NT5DC3: variants seen among roughly 807,000 people sequenced by gnomAD.
NT5DC3 encodes the protein 5'-nucleotidase domain-containing protein 3.
A neutral mutation model predicts 67.8 loss-of-function variants in NT5DC3; 42 were observed. The ratio of observed to expected loss-of-function variants is 0.62; its 90% CI spans 0.48 to 0.80. NT5DC3 has a LOEUF of 0.80. Ranked by LOEUF, NT5DC3 falls within the 30% of genes least tolerant of loss-of-function variation. NT5DC3 has a pLI of 0.00. For missense variants in NT5DC3, 570 were observed against 696.4 expected (o/e 0.82, Z 2.04); for synonymous variants, 237 against 255.6 (o/e 0.93, Z 0.69).
chr12:103,768,552 G>T (rs1566091920), downstream of NT5DC3, among the ~76,000 whole-genome samples: 5 of 1,476 alleles, frequency 3.4e-3, no homozygotes, highest in Non-Finnish European at 4.6e-3. Context: ...GGAGAGGGAG[G>T]GAGGCGGAGG....
Position 103,777,970 on chromosome 12 carries a change from C to T in NT5DC3, c.1506G>A (p.Ala502=), listed in dbSNP as rs781657942. The change falls in exon 14 of 14, where the codon GCG becomes GCA. Residue 502 remains alanine, a synonymous_variant. Transcript: ENST00000392876. ...CATAGTTCAGGAGGCAGCTCAGAGA[C>T]GCCATGTAGATGTCAGCGAAGCGCG... ...RLSRFADIYM[A]SLSCLLNYDV... is the part of the protein sequence containing the mutation. The T allele has an allele frequency of 7.4e-6, 12 of 1,614,062 alleles. No homozygotes were observed. Among genetic ancestry groups the T allele is most frequent in the African/African-American group, 2.7e-5 (2 of 74,910 alleles).
At chr12:103,838,769 C>T (rs1186271971) in intron 1 of NT5DC3, among the ~76,000 whole-genome samples, 4 of 151,956 alleles carry the variant, frequency 2.6e-5, no homozygotes, top group Admixed American at 6.6e-5. Context: ...CATGAAATAA[C>T]AGCAAAAAGG....
At chr12:103,787,320 G>A (rs1593388622) in intron 11 of NT5DC3, 121 bp downstream of exon 11, 1 of 447,260 alleles carries the variant, frequency 2.2e-6, no homozygotes, top group South Asian at 8.8e-5. Flanking sequence ...AAAGCATAAA[G>A]ATGACCTTAA....
rs1382670472 is a variant in NT5DC3, at chr12:103,840,971, C to T, written c.186G>A (p.Arg62=). 5.2e-6 allele frequency: 7 copies of T among 1,345,060 alleles called. No homozygotes were observed. The East Asian group carries it at 2.2e-4, about 41-fold the overall frequency. The allele number at this position is 1,345,060 out of a possible 1,614,324, so 83.3% of individuals were successfully genotyped here. A position where few individuals can be genotyped will look rare whatever the true frequency, so the allele number is the denominator to read the frequency against. The change falls in exon 1 of 14, where the codon CGG becomes CGA. Residue 62 remains arginine, a synonymous_variant. Coordinates refer to ENST00000392876, the MANE Select transcript of NT5DC3 (RefSeq NM_001031701.3). Reference sequence around the variant, plus strand: ...CACCTTCTGTGCTTCTCTTCGCCTCCCGGTAGCGCTCCCACAGGTAGCGCT... The same window carrying T: ...CACCTTCTGTGCTTCTCTTCGCCTCTCGGTAGCGCTCCCACAGGTAGCGCT... ...DMKRYLWERY[R]EAKRSTEELV... is the part of the protein sequence containing the mutation.
At chr12:103,758,309 C>G in the NT5DC3 span, 1 of 1,611,536 alleles carries the variant, frequency 6.2e-7, no homozygotes, top group Non-Finnish European at 8.5e-7. Context: ...GTCCCTGGTG[C>G]CTTTGCTTTA....
chr12:103,753,184 G>A, the NT5DC3 span: 2 of 1,610,430 alleles, frequency 1.2e-6, no homozygotes, highest in Admixed American at 1.7e-5. Flanking sequence ...CAACCTGGTG[G>A]GCTGACCTGG....
chr12:103,805,563 C>T (rs1350408383), intron 4 of NT5DC3, among the ~76,000 whole-genome samples: 4 of 151,976 alleles, frequency 2.6e-5, no homozygotes, highest in Non-Finnish European at 4.4e-5. Context: ...GTTACAAAGA[C>T]GCCCGGGCGT....
intron 9 of NT5DC3, 175 bp from the exon 10 acceptor site, chr12:103,789,094 T>C: frequency 1.7e-6 from 1 of 590,078 alleles, no homozygotes. Context: ...CCAAATTGTG[T>C]GAAGCCCAGT....
At chr12:103,759,333 A>G in the NT5DC3 span, 1 of 1,594,072 alleles carries the variant, frequency 6.3e-7, no homozygotes, top group East Asian at 2.2e-5. Flanking sequence ...AGTTCCTGGC[A>G]TACAGTAGGT....
rs1885316733 is a variant in NT5DC3, at chr12:103,775,616, T to G, written c.*2213A>C. Reference sequence around the variant, plus strand: ...TTAAGTGTCAGCCTCCAATACACCCTGATGGCGAAAACACCTAGAAGCAAG... The same window carrying G: ...TTAAGTGTCAGCCTCCAATACACCCGGATGGCGAAAACACCTAGAAGCAAG... On this transcript the variant is annotated 3_prime_UTR_variant, in exon 14 of 14. Transcript: ENST00000392876. 1 of 152,164 alleles carries G rather than the reference T, an allele frequency of 6.6e-6. No individual in the cohort carries two copies. Among genetic ancestry groups the G allele is most frequent in the Admixed American group, 6.5e-5 (1 of 15,274 alleles). The allele number at this position is 152,164 out of a possible 1,614,324, so 9.4% of individuals were successfully genotyped here. A position where few individuals can be genotyped will look rare whatever the true frequency, so the allele number is the denominator to read the frequency against.
the NT5DC3 span, chr12:103,759,187 T>C: frequency 6.2e-7 from 1 of 1,614,174 alleles, no homozygotes; most frequent in Non-Finnish European, 8.5e-7. Context: ...CATGTTTTTC[T>C]ACAATGACCT....
At chr12:103,813,100 G>A (rs572969919) in intron 2 of NT5DC3, among the ~76,000 whole-genome samples, 1 of 152,330 alleles carries the variant, frequency 6.6e-6, no homozygotes, top group East Asian at 1.9e-4. Flanking sequence ...CACTGCCACT[G>A]GGATCATGGC....
intron 1 of NT5DC3, among the ~76,000 whole-genome samples, chr12:103,825,791 C>T (rs749797069): frequency 6.6e-6 from 1 of 152,046 alleles, no homozygotes; most frequent in Non-Finnish European, 1.5e-5. Context: ...AGAGCCATGT[C>T]GAATGATCAA....
At chr12:103,762,303 G>T in the NT5DC3 span, 1 of 1,614,220 alleles carries the variant, frequency 6.2e-7, no homozygotes, top group Non-Finnish European at 8.5e-7. Context: ...TGGGAGCAGG[G>T]ATCTTCTTTG....
At chr12:103,759,240 G>A in the NT5DC3 span, 1 of 1,614,174 alleles carries the variant, frequency 6.2e-7, no homozygotes, top group South Asian at 1.1e-5. Flanking sequence ...GAAGCAAGCT[G>A]CTCATCACTG....
chr12:103,825,715 C>A (rs1043733664), intron 1 of NT5DC3, among the ~76,000 whole-genome samples: 15 of 152,190 alleles, frequency 9.9e-5, no homozygotes, highest in Non-Finnish European at 2.1e-4. Context: ...TTCAAGGCTG[C>A]AATGAGCTTG....
chr12:103,778,808 AAAAAGAAAAG>A (rs149310346), intron 13 of NT5DC3, among the ~76,000 whole-genome samples: 2 of 152,134 alleles, frequency 1.3e-5, no homozygotes, highest in African/African-American at 4.8e-5. Context: ...CCTATCTCAA[AAAAAGAAAAG>A]AAAAGAAAAG....
chr12:103,764,054 C>T, the NT5DC3 span, among the ~76,000 whole-genome samples: 7 of 151,720 alleles, frequency 4.6e-5, no homozygotes, highest in Non-Finnish European at 1.0e-4. Context: ...GGCACGATCT[C>T]GGCTCATTGC....
the NT5DC3 span, chr12:103,761,414 A>G: frequency 6.2e-7 from 1 of 1,612,774 alleles, no homozygotes; most frequent in Non-Finnish European, 8.5e-7. Flanking sequence ...CCCCGTGGTG[A>G]GTATCTAGGG....
Sources: allele counts gnomAD v4.1 joint callset (sites outside exome capture counted in the v4.1 genomes callset), GRCh38; gene constraint gnomAD v4.1.1; transcripts MANE v1.5; gene names NCBI Gene and HGNC (gene_info 2026-07-23, HGNC 2026-07-21).